The following TMEM217B variants were observed in gnomAD, a reference collection of about 807,000 sequenced individuals.
TMEM217B encodes transmembrane protein 217B, also known as putative transmembrane protein 217B.
At chr6:37,219,042 C>T in the TMEM217B span, 22 of 1,606,638 alleles carry the variant, frequency 1.4e-5, no homozygotes, top group Non-Finnish European at 1.9e-5. Flanking sequence ...CTGAGACCTC[C>T]TGTGAAGACA....
the TMEM217B span, among the ~76,000 whole-genome samples, chr6:37,245,372 G>C: frequency 6.6e-6 from 1 of 152,218 alleles, no homozygotes; most frequent in Non-Finnish European, 1.5e-5. Context: ...CCCAAACTGG[G>C]GGTTGCTGCC....
At chr6:37,245,779 T>C in the TMEM217B span, among the ~76,000 whole-genome samples, 6 of 145,090 alleles carry the variant, frequency 4.1e-5, no homozygotes, top group Non-Finnish European at 9.0e-5. Context: ...TCTCATTTTC[T>C]TTTCTTTTCT....
chr6:37,233,192 A>G, the TMEM217B span, among the ~76,000 whole-genome samples: 1 of 152,000 alleles, frequency 6.6e-6, no homozygotes, highest in African/African-American at 2.4e-5. Context: ...ATTTAAGTAA[A>G]TGATATTAAC....
chr6:37,231,597 C>T, the TMEM217B span, among the ~76,000 whole-genome samples: 3 of 145,026 alleles, frequency 2.1e-5, no homozygotes, highest in Admixed American at 7.0e-5. Context: ...GGCGTGAACC[C>T]GGGAGGTGGG....
chr6:37,226,386 G>A, the TMEM217B span, among the ~76,000 whole-genome samples: 4 of 135,626 alleles, frequency 2.9e-5, no homozygotes, highest in African/African-American at 5.5e-5. Context: ...TCCGCCTCCC[G>A]GGTTCACGCC....
the TMEM217B span, among the ~76,000 whole-genome samples, chr6:37,225,162 T>C: frequency 5.3e-5 from 8 of 152,058 alleles, no homozygotes; most frequent in East Asian, 1.5e-3. Context: ...ATTGTGACAC[T>C]GCACTCCAGC....
chr6:37,246,895 T>G, the TMEM217B span, among the ~76,000 whole-genome samples: 2 of 91,528 alleles, frequency 2.2e-5, no homozygotes, highest in African/African-American at 7.7e-5. Context: ...AGAGCAAGAC[T>G]CTGTCTCAAA....
the TMEM217B span, among the ~76,000 whole-genome samples, chr6:37,248,145 G>T: frequency 6.6e-6 from 1 of 152,060 alleles, no homozygotes; most frequent in Non-Finnish European, 1.5e-5. Flanking sequence ...GCTCCACTCT[G>T]TGTCTTCTTA....
At chr6:37,252,305 G>T in the TMEM217B span, among the ~76,000 whole-genome samples, 2 of 152,074 alleles carry the variant, frequency 1.3e-5, no homozygotes, top group Non-Finnish European at 1.5e-5. Flanking sequence ...TTATTACACA[G>T]CCCCGAGAGC....
the TMEM217B span, among the ~76,000 whole-genome samples, chr6:37,236,583 T>A: frequency 6.6e-6 from 1 of 152,208 alleles, no homozygotes; most frequent in Non-Finnish European, 1.5e-5. Flanking sequence ...CAGGCTTCAA[T>A]CTTGGCTTCA....
chr6:37,241,229 G>A, the TMEM217B span, among the ~76,000 whole-genome samples: 2 of 151,106 alleles, frequency 1.3e-5, no homozygotes, highest in South Asian at 2.1e-4. Context: ...CTACAGCTGC[G>A]TGACACCATA....
the TMEM217B span, chr6:37,212,495 G>A: frequency 2.0e-5 from 9 of 456,466 alleles, no homozygotes; most frequent in Admixed American, 9.4e-5. Flanking sequence ...AGCCTGTGGC[G>A]GCGTTTCCTG....
chr6:37,225,390 T>C, the TMEM217B span, among the ~76,000 whole-genome samples: 1 of 152,036 alleles, frequency 6.6e-6, no homozygotes, highest in African/African-American at 2.4e-5. Flanking sequence ...AACAAGCTAG[T>C]AAATAAAAGA....
chr6:37,247,808 T>C, the TMEM217B span, among the ~76,000 whole-genome samples: 1 of 152,194 alleles, frequency 6.6e-6, no homozygotes, highest in Non-Finnish European at 1.5e-5. Flanking sequence ...TACCAACTCC[T>C]GAGAGTCAGT....
At chr6:37,232,259 C>G in the TMEM217B span, among the ~76,000 whole-genome samples, 2 of 152,156 alleles carry the variant, frequency 1.3e-5, no homozygotes, top group Non-Finnish European at 2.9e-5. Flanking sequence ...GCTGAAATAG[C>G]GAAAGTCAGG....
chr6:37,236,103 C>T, the TMEM217B span, among the ~76,000 whole-genome samples: 3 of 152,100 alleles, frequency 2.0e-5, no homozygotes, highest in South Asian at 2.1e-4. Context: ...TTAACATCAT[C>T]GTGTTTGAAC....
the TMEM217B span, among the ~76,000 whole-genome samples, chr6:37,233,482 C>T: frequency 3.3e-5 from 5 of 152,220 alleles, no homozygotes; most frequent in African/African-American, 1.2e-4. Flanking sequence ...ACTGCATGCT[C>T]ACATGGGAGA....
chr6:37,220,282 T>C, the TMEM217B span, among the ~76,000 whole-genome samples: 2 of 152,200 alleles, frequency 1.3e-5, no homozygotes, highest in Admixed American at 1.3e-4. Flanking sequence ...CTGAAGTTAT[T>C]TGCCAATCTA....
At chr6:37,247,022 A>T in the TMEM217B span, among the ~76,000 whole-genome samples, 69 of 152,334 alleles carry the variant, frequency 4.5e-4, 1 homozygote, top group Non-Finnish European at 7.5e-4. Context: ...GCCATTTAAT[A>T]GATATGTGAC....
Sources: gnomAD v4.1 joint callset for allele counts (sites outside exome capture counted in the v4.1 genomes callset) on GRCh38, gnomAD v4.1.1 for gene constraint, MANE v1.5 for transcripts, NCBI Gene and HGNC (gene_info 2026-07-23, HGNC 2026-07-21) for gene names.